GSPT2: variants seen among roughly 807,000 people sequenced by gnomAD.
GSPT2 encodes the protein eukaryotic peptide chain release factor GTP-binding subunit ERF3B.
A neutral mutation model predicts 24.6 loss-of-function variants in GSPT2; 2 were observed. The ratio of observed to expected loss-of-function variants is 0.08; its 90% CI spans 0.03 to 0.26. The LOEUF is 0.26. GSPT2 is among the 10% of genes least tolerant of loss of function. The pLI is 1.00. For missense variants in GSPT2, 322 were observed against 489.6 expected (o/e 0.66, Z 3.23); for synonymous variants, 194 against 189.3 (o/e 1.02, Z -0.20).
In GSPT2 at chrX:51,744,883, C is replaced by T; in HGVS notation, c.1257C>T (p.Asn419=). Residue 419 remains asparagine (N), a synonymous_variant, in exon 1 of 1, where the codon AAC becomes AAT. Coordinates refer to ENST00000340438, the MANE Select transcript of GSPT2 (RefSeq NM_018094.5). ...TGLPFIPYLD[N]LPNFNRSIDG... is the part of the protein sequence containing the mutation. ...TACCATTTATTCCGTATTTGGATAA[C>T]TTGCCAAACTTCAACAGATCAATTG... 1 of 1,208,265 alleles carries T rather than the reference C, an allele frequency of 8.3e-7. No individual in the cohort carries two copies. Among genetic ancestry groups the T allele is most frequent in the African/African-American group, 1.7e-5 (1 of 57,659 alleles).
In GSPT2 at chrX:51,743,562, G is replaced by A; in HGVS notation, c.-65G>A. On this transcript the variant is annotated 5_prime_UTR_variant, in exon 1 of 1. Coordinates refer to ENST00000340438, the MANE Select transcript of GSPT2 (RefSeq NM_018094.5). Reference sequence around the variant, plus strand: ...CGCTCTTGCTGCCTTAACCCCGCCGGCGGAGCCCGCTCTTCTGGCCTGTTG... The same window carrying A: ...CGCTCTTGCTGCCTTAACCCCGCCGACGGAGCCCGCTCTTCTGGCCTGTTG... The A allele has an allele frequency of 9.8e-7, 1 of 1,021,340 alleles. No homozygotes were observed. The highest frequency in any genetic ancestry group is 1.3e-6 in the Non-Finnish European group (1 of 753,618). 84.2% of individuals were successfully genotyped at this position (1,021,340 alleles called of 1,213,427 possible).
In GSPT2 at chrX:51,744,869, C is replaced by A; in HGVS notation, c.1243C>A (p.Pro415Thr). The A allele has an allele frequency of 8.3e-7, 1 of 1,209,607 alleles. No individual in the cohort carries two copies. The highest frequency in any genetic ancestry group is 1.8e-5 in the South Asian group (1 of 56,910). Reference sequence around the variant, plus strand: ...TTGGTACACTGGATTACCATTTATTCCGTATTTGGATAACTTGCCAAACTT... The same window carrying A: ...TTGGTACACTGGATTACCATTTATTACGTATTTGGATAACTTGCCAAACTT... The part of the protein sequence containing the change: ...CPWYTGLPFI[P>T]YLDNLPNFNR... Residue 415 changes from proline to threonine, a missense_variant, in exon 1 of 1, where the codon CCG becomes ACG. Physicochemically the swap from Pro to Thr is conservative, Grantham distance 38. Coordinates refer to ENST00000340438, the MANE Select transcript of GSPT2 (RefSeq NM_018094.5).
At position 51,743,632 on chromosome X, in the gene GSPT2, T is replaced by A; in HGVS notation, c.6T>A (p.Asp2Glu). The change falls in exon 1 of 1, where the codon GAT becomes GAA. Residue 2 changes from aspartate to glutamate, a missense_variant. Asp to Glu is a conservative substitution (Grantham distance 45). Around this residue, in one of 4 missense-constraint regions of GSPT2, gnomAD observed 125 missense variants for 121.3 expected, o/e 1.03. Coordinates refer to ENST00000340438, the MANE Select transcript of GSPT2 (RefSeq NM_018094.5). The part of the protein sequence containing the change: M[D>E]SGSSSSDSAP... ...ACACAGCAAGTTCCGAGACCATGGA[T>A]TCGGGCAGCAGCAGCAGCGACTCGG... The A allele has an allele frequency of 8.4e-7, 1 of 1,193,621 alleles. No individual in the cohort carries two copies. Among genetic ancestry groups the A allele is most frequent in the Non-Finnish European group, 1.1e-6 (1 of 885,842 alleles).
rs1055336346 is a variant in GSPT2, at chrX:51,745,623, A to G, written c.*110A>G. The G allele has an allele frequency of 2.1e-4, 109 of 524,893 alleles. No individual in the cohort carries two copies. The highest frequency in any genetic ancestry group is 2.7e-4 in the Non-Finnish European group (85 of 314,699). The allele number at this position is 524,893 out of a possible 1,213,427, so 43.3% of individuals were successfully genotyped here. On this transcript the variant is annotated 3_prime_UTR_variant, in exon 1 of 1. Transcript: ENST00000340438. ...ATTGACTTTTCTTCATATTTTGCAA[A>G]GAGAAATTTCACAGCAAAAATTCAT...
Position 51,743,976 on chromosome X carries a change from C to T in GSPT2, c.350C>T (p.Pro117Leu), listed in dbSNP as rs1923948997. Residue 117 changes from proline (P) to leucine (L), a missense_variant, in exon 1 of 1, where the codon CCG (proline) becomes CTG (leucine). By Grantham distance (98) the Pro-to-Leu change is moderately conservative. Transcript: ENST00000340438. ...CCTGTGGAACCTTCCCGAGAGGAAC[C>T]GTTAGTGTCGCTTGAAGGTTCCAAT... ...GAPVEPSREE[P>L]LVSLEGSNSA... 2 of 1,207,547 alleles carry T rather than the reference C, an allele frequency of 1.7e-6. No individual in the cohort carries two copies. Among genetic ancestry groups the T allele is most frequent in the South Asian group, 3.6e-5 (2 of 56,142 alleles).
chrX:51,744,919 A>G lies in GSPT2; in HGVS notation c.1293A>G (p.Ile431Met). ...PNFNRSIDGP[I>M]RLPIVDKYKD... ...TCAACAGATCAATTGATGGACCAAT[A>G]AGACTGCCAATTGTGGATAAGTACA... Residue 431 changes from isoleucine (I) to methionine (M), a missense_variant, in exon 1 of 1, where the codon ATA becomes ATG. Around this residue, in one of 4 missense-constraint regions of GSPT2, gnomAD observed 117 missense variants for 204.1 expected, o/e 0.57. Coordinates refer to ENST00000340438, the MANE Select transcript of GSPT2 (RefSeq NM_018094.5). The G allele has an allele frequency of 3.3e-6, 4 of 1,203,208 alleles. No homozygotes were observed. Among genetic ancestry groups the G allele is most frequent in the Non-Finnish European group, 4.5e-6 (4 of 887,887 alleles).
rs1557349001 is a variant in GSPT2, at chrX:51,745,341, G to C, written c.1715G>C (p.Arg572Pro). ...DKKSGEKSKT[R>P]PRFVKQDQVC... ...AAATCAGGAGAAAAAAGTAAGACAC[G>C]ACCCCGCTTCGTGAAACAAGATCAA... Residue 572 changes from arginine (R) to proline (P), a missense_variant, in exon 1 of 1, where the codon CGA (arginine) becomes CCA (proline). By Grantham distance (103) the Arg-to-Pro change is moderately radical. Coordinates refer to ENST00000340438, the MANE Select transcript of GSPT2 (RefSeq NM_018094.5). The C allele has an allele frequency of 8.3e-7, 1 of 1,210,605 alleles. No homozygotes were observed. The highest frequency in any genetic ancestry group is 1.1e-6 in the Non-Finnish European group (1 of 894,859).
Position 51,745,588 on chromosome X carries a change from C to A in GSPT2, c.*75C>A. 1 of 626,902 alleles carries A rather than the reference C, an allele frequency of 1.6e-6. No homozygotes were observed. The highest frequency in any genetic ancestry group is 2.5e-6 in the Non-Finnish European group (1 of 394,246). 51.7% of individuals were successfully genotyped at this position (626,902 alleles called of 1,213,427 possible). A position where few individuals can be genotyped will look rare whatever the true frequency, so the allele number is the denominator to read the frequency against. On this transcript the variant is annotated 3_prime_UTR_variant, in exon 1 of 1. Transcript: ENST00000340438. Reference sequence around the variant, plus strand: ...AAAGTTCACCACCTACTCTTATTTACTGCCCATTGATTGACTTTTCTTCAT... The same window carrying A: ...AAAGTTCACCACCTACTCTTATTTAATGCCCATTGATTGACTTTTCTTCAT...
In GSPT2 at chrX:51,743,456, C is replaced by A; in HGVS notation, c.-171C>A. ...GTTGAGCCGCCATATCTGCTGCTGC[C>A]GCCGCAGTTGCGAATGCAGCATCGG... is the stretch of plus-strand genomic sequence containing the variant. On this transcript the variant is annotated 5_prime_UTR_variant, in exon 1 of 1. Coordinates refer to ENST00000340438, the MANE Select transcript of GSPT2 (RefSeq NM_018094.5). 1 of 422,575 alleles carries A rather than the reference C, an allele frequency of 2.4e-6. No individual in the cohort carries two copies. 34.8% of individuals were successfully genotyped at this position (422,575 alleles called of 1,213,427 possible).
chrX:51,745,390 A>C lies in GSPT2; in HGVS notation c.1764A>C (p.Thr588=), dbSNP rs1569554919. 8.3e-7 allele frequency: 1 copy of C among 1,208,036 alleles called. No homozygotes were observed. Among genetic ancestry groups the C allele is most frequent in the East Asian group, 3.0e-5 (1 of 33,817 alleles). Reference sequence around the variant, plus strand: ...AAGTATGCATTGCTCGTTTAAGGACAGCAGGAACCATCTGCCTCGAGACGT... The same window carrying C: ...AAGTATGCATTGCTCGTTTAAGGACCGCAGGAACCATCTGCCTCGAGACGT... ...QDQVCIARLR[T]AGTICLETFK... is the part of the protein sequence containing the mutation. The change falls in exon 1 of 1, where the codon ACA becomes ACC. Residue 588 remains threonine, a synonymous_variant. Transcript: ENST00000340438.
At position 51,744,332 on chromosome X, in the gene GSPT2, G is replaced by A. The variant is rs1427294955; in HGVS notation, c.706G>A (p.Glu236Lys). The A allele has an allele frequency of 2.5e-6, 3 of 1,208,912 alleles. No individual in the cohort carries two copies. The African/African-American group carries it at 5.3e-5, about 21-fold the overall frequency. Residue 236 changes from glutamate to lysine, a missense_variant, in exon 1 of 1, where the codon GAG becomes AAG. By Grantham distance (56) the Glu-to-Lys change is moderately conservative (BLOSUM62 1). Transcript: ENST00000340438. The stretch of plus-strand genomic sequence containing the variant: ...TGGAATGGTTGACAAAAGAACACTG[G>A]AGAAATATGAAAGAGAAGCTAAGGA... Reference protein sequence around the residue: ...LTGMVDKRTLEKYEREAKEKN... With the variant: ...LTGMVDKRTLKKYEREAKEKN...
rs976612012 is a variant in GSPT2 at position 51,744,502 on chromosome X, G to A, written c.876G>A (p.Lys292=). The A allele has an allele frequency of 1.7e-6, 2 of 1,211,671 alleles. No homozygotes were observed. Among genetic ancestry groups the A allele is most frequent in the Non-Finnish European group, 2.2e-6 (2 of 895,490 alleles). The part of the protein sequence containing the change: ...HFTILDAPGH[K]SFVPNMIGGA... ...CAATTTTAGATGCCCCTGGCCACAA[G>A]AGTTTTGTCCCAAATATGATTGGTG... The change falls in exon 1 of 1, where the codon AAG becomes AAA. Residue 292 remains lysine (K), a synonymous_variant. Transcript: ENST00000340438.
rs1557349002 is a variant in GSPT2 at position 51,745,361 on chromosome X, G to T, written c.1735G>T (p.Asp579Tyr). The T allele has an allele frequency of 1.7e-6, 2 of 1,208,874 alleles. No individual in the cohort carries two copies. The highest frequency in any genetic ancestry group is 1.8e-5 in the African/African-American group (1 of 57,088). ...SKTRPRFVKQ[D>Y]QVCIARLRTA... ...GACACGACCCCGCTTCGTGAAACAA[G>T]ATCAAGTATGCATTGCTCGTTTAAG... The change falls in exon 1 of 1, where the codon GAT (aspartate) becomes TAT (tyrosine). Residue 579 changes from aspartate to tyrosine, a missense_variant. This residue lies in a region of GSPT2 where 117 missense variants were observed against 204.1 expected (regional missense o/e 0.57). Coordinates refer to ENST00000340438, the MANE Select transcript of GSPT2 (RefSeq NM_018094.5).
rs902484149 is a variant in GSPT2 at position 51,745,773 on chromosome X, C to T, written c.*260C>T. ...GTAATAGCTTTGTAAGTGATGTGGA[C>T]GTAATTGCCTACAGTAATGAAAAAT... is the stretch of plus-strand genomic sequence containing the variant. On this transcript the variant is annotated 3_prime_UTR_variant, in exon 1 of 1. Coordinates refer to ENST00000340438, the MANE Select transcript of GSPT2 (RefSeq NM_018094.5). 1.0e-4 allele frequency: 34 copies of T among 330,312 alleles called. No homozygotes were observed. The highest frequency in any genetic ancestry group is 8.5e-4 in the Middle Eastern group (1 of 1,179). The allele number at this position is 330,312 out of a possible 1,213,427, so 27.2% of individuals were successfully genotyped here.
Position 51,744,836 on chromosome X carries a change from T to G in GSPT2, c.1210T>G (p.Phe404Val), listed in dbSNP as rs782790209. Reference sequence around the variant, plus strand: ...AGCAAATATTAAAGAGCAGTCAGATTTCTGCCCTTGGTACACTGGATTACC... The same window carrying G: ...AGCAAATATTAAAGAGCAGTCAGATGTCTGCCCTTGGTACACTGGATTACC... ...TGANIKEQSDFCPWYTGLPFI... is the reference protein window; with the variant it reads ...TGANIKEQSDVCPWYTGLPFI... The change falls in exon 1 of 1, where the codon TTC (phenylalanine) becomes GTC (valine). Residue 404 changes from phenylalanine to valine, a missense_variant. Around this residue, in one of 4 missense-constraint regions of GSPT2, gnomAD observed 117 missense variants for 204.1 expected, o/e 0.57. Coordinates refer to ENST00000340438, the MANE Select transcript of GSPT2 (RefSeq NM_018094.5). The G allele has an allele frequency of 5.0e-6, 6 of 1,207,003 alleles. No homozygotes were observed. Among genetic ancestry groups the G allele is most frequent in the African/African-American group, 1.8e-5 (1 of 57,040 alleles).
In GSPT2 at chrX:51,743,511, G is replaced by A. The variant is rs1923933106; in HGVS notation, c.-116G>A. ...TAGCTGCCTCCGCGGTGCAGCTAAG[G>A]TTCGTGTCGCTACCCCTTGGCCCTT... On this transcript the variant is annotated 5_prime_UTR_variant, in exon 1 of 1. Coordinates refer to ENST00000340438, the MANE Select transcript of GSPT2 (RefSeq NM_018094.5). 8.4e-6 allele frequency: 5 copies of A among 598,725 alleles called. No homozygotes were observed. In the East Asian group the frequency reaches 1.4e-4, roughly 17 times the overall value. The allele number at this position is 598,725 out of a possible 1,213,427, so 49.3% of individuals were successfully genotyped here. A position where few individuals can be genotyped will look rare whatever the true frequency, so the allele number is the denominator to read the frequency against.
rs1557348931 is a variant in GSPT2, at chrX:51,744,793, C to A, written c.1167C>A (p.Pro389=). ...FSPKKDIHFM[P]CSGLTGANIK... ...CAAAAAAGGACATTCACTTTATGCCCTGCTCAGGACTGACCGGAGCAAATA... is the reference window on the plus strand; with the variant it reads ...CAAAAAAGGACATTCACTTTATGCCATGCTCAGGACTGACCGGAGCAAATA... Residue 389 remains proline, a synonymous_variant, in exon 1 of 1, where the codon CCC becomes CCA. Transcript: ENST00000340438. 1 of 1,203,521 alleles carries A rather than the reference C, an allele frequency of 8.3e-7. No homozygotes were observed. The highest frequency in any genetic ancestry group is 1.8e-5 in the African/African-American group (1 of 57,009).
chrX:51,744,025 A>G lies in GSPT2; in HGVS notation c.399A>G (p.Ser133=). The G allele has an allele frequency of 8.3e-7, 1 of 1,210,751 alleles. No individual in the cohort carries two copies. The change falls in exon 1 of 1, where the codon TCA becomes TCG. Residue 133 remains serine, a synonymous_variant. Coordinates refer to ENST00000340438, the MANE Select transcript of GSPT2 (RefSeq NM_018094.5). ...ATTCAGCCGTTACCATGGAACTTTC[A>G]GAACCTGTTGTAGAAAATGGAGAGG... ...GSNSAVTMEL[S]EPVVENGEVE...
chrX:51,744,535 T>G lies in GSPT2; in HGVS notation c.909T>G (p.Ser303=). 8.3e-7 allele frequency: 1 copy of G among 1,211,673 alleles called. No individual in the cohort carries two copies. The highest frequency in any genetic ancestry group is 1.1e-6 in the Non-Finnish European group (1 of 895,409). ...SFVPNMIGGA[S]QADLAVLVIS... is the part of the protein sequence containing the mutation. Reference sequence around the variant, plus strand: ...TCCCAAATATGATTGGTGGTGCTTCTCAAGCTGATTTGGCTGTGCTGGTCA... The same window carrying G: ...TCCCAAATATGATTGGTGGTGCTTCGCAAGCTGATTTGGCTGTGCTGGTCA... Residue 303 remains serine, a synonymous_variant, in exon 1 of 1, where the codon TCT becomes TCG. Transcript: ENST00000340438.
Sources: gnomAD v4.1 joint callset for allele counts on GRCh38, gnomAD v4.1.1 for gene constraint, gnomAD v4.1.1 regional missense constraint, MANE v1.5 for transcripts, NCBI Gene and HGNC (gene_info 2026-07-23, HGNC 2026-07-21) for gene names.